The following GFPT1 variants were observed in gnomAD, a reference collection of about 807,000 sequenced individuals.
GFPT1 encodes glutamine--fructose-6-phosphate transaminase 1.
A neutral mutation model predicts 92.0 loss-of-function variants in GFPT1; 40 were observed. The ratio of observed to expected loss-of-function variants is 0.43; its 90% confidence interval spans 0.34 to 0.57. The LOEUF (loss-of-function observed/expected upper bound fraction) is 0.57, where lower values mean the gene tolerates loss of function less well. GFPT1 is among the 20% of genes least tolerant of loss of function. The probability of loss-of-function intolerance (pLI) is 0.02; values close to 1 mark genes in which losing one functional copy is unlikely to be tolerated. For missense variants in GFPT1, 448 were observed against 869.1 expected, an observed-to-expected ratio of 0.52 and a Z score of 6.09; for synonymous variants, 269 against 280.6, an observed-to-expected ratio of 0.96 and a Z score of 0.41.
chr2:69,342,065 GT>G (rs1481862490), intron 13 of GFPT1, 86 bp downstream of exon 13: 10 of 745,256 alleles, frequency 1.3e-5, no homozygotes, highest in Non-Finnish European at 2.0e-5. Context: ...ACAAAACATA[GT>G]TTTACACAGT....
At chr2:69,352,153 T>C (rs181497640) in intron 9 of GFPT1, among the ~76,000 whole-genome samples, 35 of 152,120 alleles carry the variant, frequency 2.3e-4, no homozygotes, top group Non-Finnish European at 1.5e-5. Flanking sequence ...GTCTCAGCTA[T>C]TCCGGAGGCT....
At chr2:69,359,453 T>G in intron 4 of GFPT1, 127 bp from the exon 5 acceptor site, 1 of 627,666 alleles carries the variant, frequency 1.6e-6, no homozygotes, top group South Asian at 1.7e-5. Flanking sequence ...TTATGTTATT[T>G]ATAACATAAT....
At chr2:69,334,170 T>C (rs1670740075) in intron 15 of GFPT1, among the ~76,000 whole-genome samples, 1 of 151,770 alleles carries the variant, frequency 6.6e-6, no homozygotes, top group Non-Finnish European at 1.5e-5. Flanking sequence ...ATAATAATAA[T>C]AATAGTAATA....
At chr2:69,367,214 C>T (rs1461087880) in intron 3 of GFPT1, among the ~76,000 whole-genome samples, 2 of 152,114 alleles carry the variant, frequency 1.3e-5, no homozygotes, top group African/African-American at 2.4e-5. Context: ...ATGATAGTAC[C>T]GTTTTGTGTT....
chr2:69,328,817 T>A (rs761510982), intron 17 of GFPT1, among the ~76,000 whole-genome samples: 26 of 151,426 alleles, frequency 1.7e-4, no homozygotes, highest in Non-Finnish European at 3.2e-4. Flanking sequence ...CTTCCCGCCT[T>A]AGCCTCCCAA....
intron 1 of GFPT1, among the ~76,000 whole-genome samples, chr2:69,377,207 CAAAAAAA>C (rs59023245): frequency 1.2e-5 from 1 of 84,418 alleles, no homozygotes; most frequent in Admixed American, 1.5e-4. Flanking sequence ...GACTCCGTCT[CAAAAAAA>C]AAAAAAAAAA....
At chr2:69,331,796 T>C (rs1434755135) in intron 15 of GFPT1, among the ~76,000 whole-genome samples, 2 of 152,134 alleles carry the variant, frequency 1.3e-5, no homozygotes, top group Non-Finnish European at 2.9e-5. Flanking sequence ...TTCTGCTGTA[T>C]AATCTGGCAT....
In GFPT1 at chr2:69,370,066, T is replaced by C. The variant is rs1419345793; in HGVS notation, c.158A>G (p.Asn53Ser). 6.2e-7 allele frequency: 1 copy of C among 1,612,134 alleles called. No individual in the cohort carries two copies. The highest frequency in any genetic ancestry group is 8.5e-7 in the Non-Finnish European group (1 of 1,178,214). Residue 53 changes from asparagine (N) to serine (S), a missense_variant, in exon 3 of 20, where the codon AAT (asparagine) becomes AGT (serine). Asn to Ser is a conservative substitution (Grantham distance 46, BLOSUM62 1). Transcript: ENST00000357308. ...CTTAATAAGCTGGATTTTGCAGGCA[T>C]TGGCTTCCCAATCTTTATCATTGCC... is the stretch of plus-strand genomic sequence containing the variant. ...DGGNDKDWEA[N>S]ACKIQLIKKK...
chr2:69,364,865 C>T (rs1446473049), intron 3 of GFPT1, among the ~76,000 whole-genome samples: 11 of 151,544 alleles, frequency 7.3e-5, no homozygotes, highest in Admixed American at 5.3e-4. Context: ...TGTGGTGGTG[C>T]GCGCCTGTAA....
At chr2:69,328,530 ACTGT>A (rs1670584845) in intron 17 of GFPT1, 92 bp from the exon 18 acceptor site, 3 of 860,436 alleles carry the variant, frequency 3.5e-6, no homozygotes, top group African/African-American at 1.7e-5. Context: ...ATGTCAAGCC[ACTGT>A]CTATCTATCC....
chr2:69,327,624 A>G (rs1039016373), intron 18 of GFPT1, among the ~76,000 whole-genome samples: 1 of 152,140 alleles, frequency 6.6e-6, no homozygotes, highest in African/African-American at 2.4e-5. Flanking sequence ...GTCATGTGCC[A>G]CTGCAACCAG....
At chr2:69,344,655 T>C (rs976276950) in intron 12 of GFPT1, among the ~76,000 whole-genome samples, 5 of 146,380 alleles carry the variant, frequency 3.4e-5, no homozygotes, top group Admixed American at 2.0e-4. Flanking sequence ...TACTCTTTTT[T>C]ATTTTTTTTT....
chr2:69,326,809 T>C (rs1421911921), intron 19 of GFPT1, 105 bp downstream of exon 19: 4 of 1,078,994 alleles, frequency 3.7e-6, no homozygotes, highest in South Asian at 2.6e-5. Flanking sequence ...AGATATATAT[T>C]TGATAGATTT....
intron 3 of GFPT1, among the ~76,000 whole-genome samples, chr2:69,369,317 A>T (rs1558772988): frequency 6.6e-6 from 1 of 152,154 alleles, no homozygotes. Flanking sequence ...TGGCATTCAT[A>T]TGAGTAGGTA....
intron 4 of GFPT1, among the ~76,000 whole-genome samples, chr2:69,360,413 A>T (rs1671439911): frequency 6.6e-6 from 1 of 151,144 alleles, no homozygotes; most frequent in Non-Finnish European, 1.5e-5. Context: ...ATTACTGCTA[A>T]ATTAAATTTT....
intron 10 of GFPT1, among the ~76,000 whole-genome samples, chr2:69,348,706 G>C (rs573382433): frequency 6.6e-6 from 1 of 152,020 alleles, no homozygotes; most frequent in Non-Finnish European, 1.5e-5. Flanking sequence ...CTACTGCAGC[G>C]ATCTCCCAAT....
chr2:69,331,975 TACTTTTAGACTCAGATA>T (rs1357450826), intron 15 of GFPT1, among the ~76,000 whole-genome samples: 2 of 152,344 alleles, frequency 1.3e-5, no homozygotes, highest in East Asian at 3.9e-4. Flanking sequence ...TTTTACGTAG[TACTTTTAGACTCAGATA>T]ACTCTTCCAC....
intron 15 of GFPT1, among the ~76,000 whole-genome samples, chr2:69,331,522 A>G (rs1485869333): frequency 6.6e-6 from 1 of 152,150 alleles, no homozygotes; most frequent in Non-Finnish European, 1.5e-5. Context: ...AAATTACTAT[A>G]TATGTTACCA....
chr2:69,332,610 T>A (rs904348031), intron 15 of GFPT1, among the ~76,000 whole-genome samples: 4 of 152,116 alleles, frequency 2.6e-5, no homozygotes, highest in Non-Finnish European at 5.9e-5. Flanking sequence ...CGGCCTCTAG[T>A]AAGTCTTTCT....
Sources: allele counts gnomAD v4.1 joint callset (sites outside exome capture counted in the v4.1 genomes callset), GRCh38; gene constraint gnomAD v4.1.1; transcripts MANE v1.5; gene names NCBI Gene and HGNC (gene_info 2026-07-23, HGNC 2026-07-21).